ITGA8: variants seen among roughly 807,000 people sequenced by gnomAD.
The protein encoded by ITGA8 is integrin alpha-8.
A neutral mutation model predicts 142.3 loss-of-function variants in ITGA8; 91 were observed. That is an observed-to-expected ratio of 0.64 (90% CI 0.54 to 0.76). The LOEUF is 0.76. ITGA8 is among the 30% of genes least tolerant of loss of function. The probability of loss-of-function intolerance (pLI) is 0.00; values close to 1 mark genes in which losing one functional copy is unlikely to be tolerated. For missense variants in ITGA8, 1,406 were observed against 1,327.7 expected, an observed-to-expected ratio of 1.06 and a Z score of -0.92; for synonymous variants, 505 against 485.2, an observed-to-expected ratio of 1.04 and a Z score of -0.54.
chr10:15,638,119 A>G (rs1219447876), intron 13 of ITGA8, among the ~76,000 whole-genome samples: 1 of 152,154 alleles, frequency 6.6e-6, no homozygotes, highest in Non-Finnish European at 1.5e-5. Flanking sequence ...CCTTCCTCCA[A>G]AGACTAAAAA....
chr10:15,650,259 A>G (rs1936116488), intron 11 of ITGA8, among the ~76,000 whole-genome samples: 1 of 152,128 alleles, frequency 6.6e-6, no homozygotes, highest in Non-Finnish European at 1.5e-5. Context: ...AAAATCACAC[A>G]CCTGGGTTCA....
At chr10:15,652,044 A>G (rs1249410664) in intron 11 of ITGA8, among the ~76,000 whole-genome samples, 1 of 152,252 alleles carries the variant, frequency 6.6e-6, no homozygotes, top group African/African-American at 2.4e-5. Flanking sequence ...TACGTAATAA[A>G]AAAATAGTAT....
Position 15,697,046 on chromosome 10 carries a change from A to AACACACACACACACACACACACACACAC in ITGA8, c.344-9009_344-9008insGTGTGTGTGTGTGTGTGTGTGTGTGTGT, listed in dbSNP as rs1491456295. ...AGAGTAAGTACTCTCTTGTCTCTAA[A>AACACACACACACACACACACACACACAC]ACACACACACACACACACACAAGAA... On this transcript the variant is annotated intron_variant, in intron 2 of 29. Transcript: ENST00000378076. 2.9e-3 allele frequency among the ~76,000 whole-genome samples: 430 copies of AACACACACACACACACACACACACACAC among 147,508 alleles called. 3 individuals carry two copies. Among genetic ancestry groups the AACACACACACACACACACACACACACAC allele is most frequent in the African/African-American group, 0.01 (417 of 39,918 alleles).
chr10:15,710,638 C>A (rs1008501859), intron 2 of ITGA8, among the ~76,000 whole-genome samples: 1 of 152,160 alleles, frequency 6.6e-6, no homozygotes, highest in East Asian at 1.9e-4. Context: ...GAGAGACAAG[C>A]TGTACTGTGC....
chr10:15,635,472 G>A (rs1452365141), intron 13 of ITGA8, among the ~76,000 whole-genome samples: 1 of 152,112 alleles, frequency 6.6e-6, no homozygotes, highest in African/African-American at 2.4e-5. Context: ...TGATAAGGAA[G>A]GCAAGACCCA....
intron 8 of ITGA8, among the ~76,000 whole-genome samples, chr10:15,663,181 G>T (rs910707327): frequency 1.3e-5 from 2 of 152,078 alleles, no homozygotes; most frequent in Non-Finnish European, 2.9e-5. Context: ...AGTAAATCAT[G>T]AACATGCACA....
chr10:15,699,797 G>T (rs1328261102), intron 2 of ITGA8, among the ~76,000 whole-genome samples: 3 of 152,236 alleles, frequency 2.0e-5, no homozygotes, highest in Non-Finnish European at 4.4e-5. Context: ...CAGTGGAGGA[G>T]TGAGGGATTC....
intron 25 of ITGA8, among the ~76,000 whole-genome samples, chr10:15,560,840 A>T (rs1588644860): frequency 6.6e-6 from 1 of 152,152 alleles, no homozygotes; most frequent in East Asian, 1.9e-4. Context: ...GATGATATTA[A>T]GGAAGTTTTG....
chr10:15,573,292 T>C (rs563319332), intron 24 of ITGA8, among the ~76,000 whole-genome samples: 1 of 152,344 alleles, frequency 6.6e-6, no homozygotes, highest in East Asian at 1.9e-4. Context: ...TCCACATTTA[T>C]GCTAAGATTT....
In ITGA8 at chr10:15,687,837, CAT is replaced by C. The variant is rs1387067520; in HGVS notation, c.444+99_444+100del. 8.2e-6 allele frequency: 6 copies of C among 729,522 alleles called. No homozygotes were observed. In the African/African-American group the frequency reaches 8.7e-5, roughly 11 times the overall value. The allele number at this position is 729,522 out of a possible 1,614,324, so 45.2% of individuals were successfully genotyped here. A position where few individuals can be genotyped will look rare whatever the true frequency, so the allele number is the denominator to read the frequency against. On this transcript the variant is annotated intron_variant, in intron 3 of 29. Transcript: ENST00000378076. The stretch of plus-strand genomic sequence containing the variant: ...AACAGCCTTATCGTTGAAAGTCTAA[CAT>C]GTTCCTTTAGGAAAGAGCTTTCCTA...
Position 15,701,629 on chromosome 10 carries a change from C to T in ITGA8, c.344-13591G>A, listed in dbSNP as rs564135753. Among the ~76,000 whole-genome samples the T allele has an allele frequency of 3.3e-5, 5 of 152,244 alleles. No individual in the cohort carries two copies. In the South Asian group the frequency reaches 6.2e-4, roughly 19 times the overall value. On this transcript the variant is annotated intron_variant, in intron 2 of 29. Transcript: ENST00000378076. Reference sequence around the variant, plus strand: ...GGAATTACACGAAGTGAGGAGAGATCGCCCTGGGACAGAAGAGAAGAGTTG... The same window carrying T: ...GGAATTACACGAAGTGAGGAGAGATTGCCCTGGGACAGAAGAGAAGAGTTG...
chr10:15,669,633 TC>T (rs1470406668), intron 8 of ITGA8, among the ~76,000 whole-genome samples: 1 of 152,186 alleles, frequency 6.6e-6, no homozygotes, highest in Non-Finnish European at 1.5e-5. Flanking sequence ...TTTTTTCCCA[TC>T]TTTGTGGTTT....
intron 2 of ITGA8, among the ~76,000 whole-genome samples, chr10:15,704,992 T>TG (rs1835231429): frequency 2.1e-5 from 1 of 48,590 alleles, no homozygotes; most frequent in Admixed American, 2.9e-4. Flanking sequence ...TATTATGGTT[T>TG]TTGTTGTTGT....
chr10:15,712,410 T>C (rs1835378797), intron 2 of ITGA8, among the ~76,000 whole-genome samples: 2 of 152,024 alleles, frequency 1.3e-5, no homozygotes. Context: ...GGTGAAACCC[T>C]GTCTCTACTG....
chr10:15,675,492 G>A (rs993044368), intron 6 of ITGA8, among the ~76,000 whole-genome samples: 5 of 152,066 alleles, frequency 3.3e-5, no homozygotes, highest in Admixed American at 1.3e-4. Flanking sequence ...TACCACCATC[G>A]CTCTAAGAAA....
At chr10:15,629,984 A>C (rs995812283) in intron 13 of ITGA8, among the ~76,000 whole-genome samples, 2 of 151,986 alleles carry the variant, frequency 1.3e-5, no homozygotes, top group African/African-American at 4.8e-5. Flanking sequence ...AAAGGCACAG[A>C]CCTGTCTCCA....
intron 28 of ITGA8, among the ~76,000 whole-genome samples, 191 bp from the exon 29 acceptor site, chr10:15,519,603 G>A (rs1160989764): frequency 6.6e-6 from 1 of 152,070 alleles, no homozygotes; most frequent in Admixed American, 6.6e-5. Flanking sequence ...AGATCTGCTT[G>A]GTTCTGTAAA....
chr10:15,525,645 CAAAAAAA>C (rs374326483), intron 28 of ITGA8, among the ~76,000 whole-genome samples: 1 of 63,796 alleles, frequency 1.6e-5, no homozygotes, highest in Non-Finnish European at 2.6e-5. Context: ...AACTCCATCT[CAAAAAAA>C]AAAAAAAAAA....
intron 8 of ITGA8, among the ~76,000 whole-genome samples, chr10:15,663,079 G>A (rs566076430): frequency 6.6e-6 from 1 of 152,170 alleles, no homozygotes; most frequent in East Asian, 1.9e-4. Context: ...ACCTAGCAGT[G>A]TGAGGATCCA....
Sources: allele counts gnomAD v4.1 joint callset (sites outside exome capture counted in the v4.1 genomes callset), GRCh38; gene constraint gnomAD v4.1.1; transcripts MANE v1.5; gene names NCBI Gene and HGNC (gene_info 2026-07-23, HGNC 2026-07-21).